The following SCHIP1 variants were observed in gnomAD, a reference collection of about 807,000 sequenced individuals.
SCHIP1 encodes schwannomin interacting protein 1, also known as schwannomin-interacting protein 1.
SCHIP1 carries 8 observed loss-of-function variants against 29.7 expected under a neutral mutation model. The ratio of observed to expected loss-of-function variants is 0.27; its 90% confidence interval spans 0.16 to 0.49. The LOEUF (loss-of-function observed/expected upper bound fraction) is 0.49. Ranked by LOEUF, SCHIP1 falls within the 20% of genes least tolerant of loss-of-function variation. The pLI is 0.99. For missense variants in SCHIP1, 193 were observed against 294.6 expected (o/e 0.66, Z 2.52); for synonymous variants, 76 against 94.9 (o/e 0.80, Z 1.16).
the SCHIP1 span, among the ~76,000 whole-genome samples, chr3:159,679,819 A>G: frequency 6.6e-6 from 1 of 152,016 alleles, no homozygotes; most frequent in Non-Finnish European, 1.5e-5. Flanking sequence ...GACGCCCCTC[A>G]TCACTGTCAC....
the SCHIP1 span, among the ~76,000 whole-genome samples, chr3:159,291,040 C>G: frequency 6.6e-6 from 1 of 152,048 alleles, no homozygotes; most frequent in Non-Finnish European, 1.5e-5. Context: ...TTTGTGGTCT[C>G]CAAATACTAT....
chr3:159,307,731 T>G, the SCHIP1 span, among the ~76,000 whole-genome samples: 1 of 152,124 alleles, frequency 6.6e-6, no homozygotes, highest in Non-Finnish European at 1.5e-5. Flanking sequence ...TTTTAATGTA[T>G]TTTGAGTTAA....
the SCHIP1 span, among the ~76,000 whole-genome samples, chr3:159,400,083 G>A: frequency 6.6e-6 from 1 of 152,228 alleles, no homozygotes; most frequent in Non-Finnish European, 1.5e-5. Context: ...CAGGTTGATA[G>A]CAAGAACTTA....
intron 1 of SCHIP1, among the ~76,000 whole-genome samples, chr3:159,851,902 A>G (rs1443264288): frequency 1.3e-5 from 2 of 152,232 alleles, no homozygotes; most frequent in African/African-American, 4.8e-5. Flanking sequence ...CATGAGAGAC[A>G]ACTTGTTATT....
At chr3:159,404,184 G>T in the SCHIP1 span, among the ~76,000 whole-genome samples, 4 of 152,092 alleles carry the variant, frequency 2.6e-5, no homozygotes, top group East Asian at 7.8e-4. Flanking sequence ...TGCTGGCTTC[G>T]TGTGCGACCC....
chr3:159,720,642 T>A, the SCHIP1 span, among the ~76,000 whole-genome samples: 20 of 152,252 alleles, frequency 1.3e-4, no homozygotes, highest in East Asian at 1.2e-3. Flanking sequence ...TGGAGTGCAG[T>A]GGCACCATCT....
At chr3:159,413,145 A>C in the SCHIP1 span, among the ~76,000 whole-genome samples, 1 of 152,270 alleles carries the variant, frequency 6.6e-6, no homozygotes, top group Non-Finnish European at 1.5e-5. Flanking sequence ...TGAGAACAGC[A>C]TGGGGAAACT....
At chr3:159,314,975 A>C in the SCHIP1 span, among the ~76,000 whole-genome samples, 2 of 152,150 alleles carry the variant, frequency 1.3e-5, no homozygotes, top group African/African-American at 4.8e-5. Flanking sequence ...ATTCTAATAG[A>C]TGTCTTTTGT....
At chr3:159,542,994 G>A in the SCHIP1 span, among the ~76,000 whole-genome samples, 1 of 151,426 alleles carries the variant, frequency 6.6e-6, no homozygotes, top group Non-Finnish European at 1.5e-5. Flanking sequence ...CAAGCGCCAG[G>A]AACTAGGATA....
At chr3:159,413,977 C>G in the SCHIP1 span, among the ~76,000 whole-genome samples, 651 of 152,330 alleles carry the variant, frequency 4.3e-3, 9 homozygotes, top group Non-Finnish European at 6.6e-3. Flanking sequence ...ATCCAGTGGC[C>G]TCCTCTGAAA....
At chr3:159,572,610 A>G in the SCHIP1 span, among the ~76,000 whole-genome samples, 1 of 152,098 alleles carries the variant, frequency 6.6e-6, no homozygotes, top group Non-Finnish European at 1.5e-5. Context: ...TGGGATGGAG[A>G]GTTCTGTAGG....
chr3:159,574,176 TGGA>T, the SCHIP1 span, among the ~76,000 whole-genome samples: 3 of 152,242 alleles, frequency 2.0e-5, no homozygotes, highest in Non-Finnish European at 2.9e-5. Flanking sequence ...TGCAATCCTT[TGGA>T]GGAGAAGAGG....
the SCHIP1 span, among the ~76,000 whole-genome samples, chr3:159,316,327 C>T: frequency 6.6e-4 from 101 of 152,172 alleles, 1 homozygote; most frequent in South Asian, 0.011. Flanking sequence ...GTTTGATGTT[C>T]GAGGGCAGGA....
the SCHIP1 span, among the ~76,000 whole-genome samples, chr3:159,514,414 A>G: frequency 1.3e-5 from 2 of 152,230 alleles, no homozygotes; most frequent in Admixed American, 6.5e-5. Context: ...ATGAATTACT[A>G]ACAAGCTTCA....
chr3:159,384,277 C>A, the SCHIP1 span, among the ~76,000 whole-genome samples: 2 of 151,360 alleles, frequency 1.3e-5, no homozygotes, highest in Admixed American at 6.6e-5. Flanking sequence ...TTTTGAGATA[C>A]GTCCCATCAA....
chr3:159,733,010 C>A, the SCHIP1 span, among the ~76,000 whole-genome samples: 1 of 152,154 alleles, frequency 6.6e-6, no homozygotes, highest in South Asian at 2.1e-4. Context: ...CAGTAGGAGA[C>A]TAAATAAATA....
the SCHIP1 span, among the ~76,000 whole-genome samples, chr3:159,641,032 A>G: frequency 6.6e-6 from 1 of 152,170 alleles, no homozygotes; most frequent in African/African-American, 2.4e-5. Flanking sequence ...TGTGAGCTGG[A>G]AAACGAAGCC....
the SCHIP1 span, chr3:159,764,731 C>A: frequency 6.4e-7 from 1 of 1,573,522 alleles, no homozygotes; most frequent in Non-Finnish European, 8.6e-7. The surrounding 1 kb of genome is among the most constrained non-coding windows in gnomAD (Gnocchi z 6.1). Flanking sequence ...TGACCGCTCT[C>A]CGGCCCGGGA....
the SCHIP1 span, among the ~76,000 whole-genome samples, chr3:159,810,341 G>A: frequency 0.013 from 1,941 of 152,194 alleles, 38 homozygotes; most frequent in African/African-American, 0.044. Flanking sequence ...CACCACGCCC[G>A]GCCTCAAATT....
Sources: allele counts gnomAD v4.1 joint callset (sites outside exome capture counted in the v4.1 genomes callset), GRCh38; gene constraint gnomAD v4.1.1; non-coding constraint Gnocchi (gnomAD v3.1); transcripts MANE v1.5; gene names NCBI Gene and HGNC (gene_info 2026-07-23, HGNC 2026-07-21).